The following RP1 variants were observed in gnomAD, a reference collection of about 807,000 sequenced individuals.
RP1 encodes RP1 axonemal microtubule associated, also known as oxygen-regulated protein 1.
A neutral mutation model predicts 14.8 loss-of-function variants in RP1; 16 were observed. The observed-to-expected ratio is 1.08, with a 90% CI of 0.73 to 1.65. RP1 has a LOEUF of 1.65. Among genes scored for constraint, RP1 ranks in the 40% most tolerant of loss-of-function variants. The pLI is 0.00. For missense variants in RP1, 2,631 were observed against 2,535.0 expected, an observed-to-expected ratio of 1.04 and a Z score of -0.81; for synonymous variants, 876 against 883.6, an observed-to-expected ratio of 0.99 and a Z score of 0.15.
chr8:54,738,994 G>A (rs1338072045), exon 19 of RP1: 1 of 1,531,248 alleles, frequency 6.5e-7, no homozygotes, highest in Admixed American at 2.0e-5. Flanking sequence ...AGGACATGAT[G>A]GAACCAGTGA....
chr8:54,586,884 G>A (rs1322076520), intron 1 of RP1, among the ~76,000 whole-genome samples: 1 of 152,192 alleles, frequency 6.6e-6, no homozygotes, highest in African/African-American at 2.4e-5. Flanking sequence ...TTTTCCAGGT[G>A]CCGTCTGTCA....
chr8:54,759,073 A>AAT lies in RP1; in HGVS notation c.3246_3247insTA (p.Arg1083Ter). 1 of 1,534,124 alleles carries AAT rather than the reference A, an allele frequency of 6.5e-7. No individual in the cohort carries two copies. Among genetic ancestry groups the AAT allele is most frequent in the Non-Finnish European group, 8.7e-7 (1 of 1,146,568 alleles). ...ACATCCGAGTCCATCTTTACCTGTC[A>AAT]AAGGTAATGCTGGTCTCCAAGATAC... On this transcript the variant is annotated frameshift_variant, in exon 22 of 23. Coordinates refer to the RP1 transcript ENST00000636932. LOFTEE classifies it high-confidence loss of function.
intron 1 of RP1, among the ~76,000 whole-genome samples, chr8:54,619,492 T>C (rs984153691): frequency 6.6e-6 from 1 of 152,190 alleles, no homozygotes; most frequent in African/African-American, 2.4e-5. Context: ...TTTCAAACAA[T>C]AGAAAACAGC....
intron 26 of RP1, among the ~76,000 whole-genome samples, chr8:54,854,611 T>C (rs992190840): frequency 3.5e-4 from 53 of 152,332 alleles, no homozygotes; most frequent in African/African-American, 1.3e-3. Flanking sequence ...ATGCCTGTAA[T>C]CCCAGCACTT....
chr8:54,767,968 C>T (rs1017625578), intron 22 of RP1, among the ~76,000 whole-genome samples: 8 of 152,178 alleles, frequency 5.3e-5, no homozygotes, highest in African/African-American at 1.2e-4. Flanking sequence ...GCTCACAGTT[C>T]GCCTTTATAC....
At chr8:54,792,913 T>G (rs1810500707) in intron 24 of RP1, among the ~76,000 whole-genome samples, 1 of 151,862 alleles carries the variant, frequency 6.6e-6, no homozygotes. Context: ...AATTAGTTTT[T>G]GGAAAAGATA....
chr8:54,576,446 C>T (rs1804666668), intron 1 of RP1, among the ~76,000 whole-genome samples: 2 of 152,242 alleles, frequency 1.3e-5, no homozygotes, highest in South Asian at 2.1e-4. Flanking sequence ...CGTGTTTCTA[C>T]TCTTGCATTA....
chr8:54,766,222 G>A (rs1272971170), intron 22 of RP1, among the ~76,000 whole-genome samples: 3 of 152,168 alleles, frequency 2.0e-5, no homozygotes, highest in Admixed American at 6.5e-5. Flanking sequence ...TGGGAAAAGA[G>A]GGGGAGATGA....
At chr8:54,687,384 A>G (rs1326868904) in intron 12 of RP1, among the ~76,000 whole-genome samples, 3 of 152,150 alleles carry the variant, frequency 2.0e-5, no homozygotes, top group Non-Finnish European at 4.4e-5. Context: ...GTAGGTATAC[A>G]CATGCCATAG....
intron 24 of RP1, among the ~76,000 whole-genome samples, chr8:54,823,815 C>T (rs1045059747): frequency 4.6e-5 from 7 of 152,108 alleles, no homozygotes; most frequent in Admixed American, 4.6e-4. Context: ...GGGATAAATT[C>T]CCAGGAATGC....
At chr8:54,684,276 T>A (rs139507994) in intron 12 of RP1, among the ~76,000 whole-genome samples, 1 of 152,106 alleles carries the variant, frequency 6.6e-6, no homozygotes, top group Non-Finnish European at 1.5e-5. Flanking sequence ...AGTTTTCTTT[T>A]TTTGTTGTAT....
At chr8:54,697,320 T>C (rs1338010702) in intron 12 of RP1, among the ~76,000 whole-genome samples, 2 of 152,152 alleles carry the variant, frequency 1.3e-5, no homozygotes, top group East Asian at 3.9e-4. Context: ...TTTGGTAGTC[T>C]GAGGCAGGTG....
At chr8:54,823,108 C>T (rs1231316178) in intron 24 of RP1, among the ~76,000 whole-genome samples, 1 of 152,018 alleles carries the variant, frequency 6.6e-6, no homozygotes, top group Non-Finnish European at 1.5e-5. Context: ...TCGTGTGACT[C>T]CCCGCCGCCC....
At chr8:54,608,050 C>A (rs1805502974) in intron 1 of RP1, among the ~76,000 whole-genome samples, 1 of 152,046 alleles carries the variant, frequency 6.6e-6, no homozygotes, top group Non-Finnish European at 1.5e-5. Context: ...CACCCACTGT[C>A]CTGCACCCAC....
intron 22 of RP1, among the ~76,000 whole-genome samples, chr8:54,760,374 A>G (rs762545780): frequency 6.6e-6 from 1 of 152,104 alleles, no homozygotes; most frequent in Non-Finnish European, 1.5e-5. Flanking sequence ...TAGCCCTTCT[A>G]TGGTACTAAC....
At chr8:54,619,229 T>C (rs1368678915) in intron 1 of RP1, among the ~76,000 whole-genome samples, 1 of 152,234 alleles carries the variant, frequency 6.6e-6, no homozygotes, top group Non-Finnish European at 1.5e-5. Context: ...TAGGCTGATC[T>C]TCAAATGTTT....
chr8:54,704,851 C>A (rs1461562116), intron 14 of RP1, among the ~76,000 whole-genome samples: 1 of 151,772 alleles, frequency 6.6e-6, no homozygotes, highest in African/African-American at 2.4e-5. Flanking sequence ...TGTATACACA[C>A]ACACACATAT....
chr8:54,659,696 C>T (rs1806840599), intron 6 of RP1, among the ~76,000 whole-genome samples: 1 of 152,126 alleles, frequency 6.6e-6, no homozygotes, highest in Non-Finnish European at 1.5e-5. Context: ...ATTGTTTTGA[C>T]TATTCAGGGA....
Position 54,832,877 on chromosome 8 carries a change from CATGGTACTTCTAGGGATTTG to C in RP1, c.3616-4568_3616-4549del, listed in dbSNP as rs1488886412. Among the ~76,000 whole-genome samples, 3 of 152,108 alleles carry C rather than the reference CATGGTACTTCTAGGGATTTG, an allele frequency of 2.0e-5. No individual in the cohort carries two copies. The East Asian group carries it at 5.8e-4, about 29-fold the overall frequency. On this transcript the variant is annotated intron_variant, in intron 24 of 28. Coordinates refer to the RP1 transcript ENST00000637698. Reference sequence around the variant, plus strand: ...AGAGATGTAGTTGTCATTTCTAATGCATGGTACTTCTAGGGATTTGATGGAAAGCCTTGGGAATTTATCAT... The same window carrying C: ...AGAGATGTAGTTGTCATTTCTAATGCATGGAAAGCCTTGGGAATTTATCAT...
Sources: allele counts gnomAD v4.1 joint callset (sites outside exome capture counted in the v4.1 genomes callset), GRCh38; gene constraint gnomAD v4.1.1; transcripts MANE v1.5; gene names NCBI Gene and HGNC (gene_info 2026-07-23, HGNC 2026-07-21).